PRORP: variants seen among roughly 807,000 people sequenced by gnomAD.
The protein encoded by PRORP is protein only RNase P catalytic subunit.
PRORP carries 51 observed loss-of-function variants against 59.4 expected under a neutral mutation model. The ratio of observed to expected loss-of-function variants is 0.86; its 90% CI spans 0.69 to 1.08. The LOEUF (loss-of-function observed/expected upper bound fraction) is 1.08, where lower values mean the gene tolerates loss of function less well. Ranked by LOEUF, PRORP falls within the 50% of genes least tolerant of loss-of-function variation. PRORP has a pLI of 0.00. For synonymous variants in PRORP, 231 were observed against 245.6 expected, an observed-to-expected ratio of 0.94 and a Z score of 0.55; for missense variants, 646 against 690.3, an observed-to-expected ratio of 0.94 and a Z score of 0.72.
chr14:35,175,780 A>G (rs1050495229), intron 4 of PRORP, among the ~76,000 whole-genome samples: 3 of 152,096 alleles, frequency 2.0e-5, no homozygotes, highest in Non-Finnish European at 2.9e-5. Context: ...TTTTGTTGCC[A>G]TTGCTTTTAG....
chr14:35,127,525 A>T lies in PRORP; in HGVS notation c.1081A>T (p.Ser361Cys). ...AAAAACCATAGAGTCTATTCAGCTGAGTCCAGAAGAATATGAATGTCTTAA... is the reference window on the plus strand; with the variant it reads ...AAAAACCATAGAGTCTATTCAGCTGTGTCCAGAAGAATATGAATGTCTTAA... ...CGKTIESIQLSPEEYECLKGK... is the reference protein window; with the variant it reads ...CGKTIESIQLCPEEYECLKGK... Residue 361 changes from serine (S) to cysteine (C), a missense_variant, in exon 4 of 8, where the codon AGT (serine) becomes TGT (cysteine). Coordinates refer to ENST00000534898, the MANE Select transcript of PRORP (RefSeq NM_014672.4). 6.2e-7 allele frequency: 1 copy of T among 1,611,906 alleles called. No individual in the cohort carries two copies. Among genetic ancestry groups the T allele is most frequent in the African/African-American group, 1.3e-5 (1 of 75,012 alleles).
rs2050945118 is a variant in PRORP, at chr14:35,263,054, G to A, written c.1276-3673G>A. On this transcript the variant is annotated intron_variant, in intron 5 of 7. Transcript: ENST00000534898. ...ATGAATAAGATCTAAGAGTTGTCCA[G>A]CTTCTGAAACAAGATGCCGGATGAT... 4.0e-6 allele frequency: 6 copies of A among 1,513,434 alleles called. No individual in the cohort carries two copies. In the East Asian group the frequency reaches 1.3e-4, roughly 34 times the overall value. 93.8% of individuals were successfully genotyped at this position (1,513,434 alleles called of 1,614,324 possible).
At chr14:35,134,918 T>G (rs2047335473) in intron 4 of PRORP, among the ~76,000 whole-genome samples, 1 of 152,192 alleles carries the variant, frequency 6.6e-6, no homozygotes, top group African/African-American at 2.4e-5. Flanking sequence ...CTGGAGCACT[T>G]TGGCCCATGG....
At chr14:35,240,152 G>T (rs1345953258) in intron 5 of PRORP, among the ~76,000 whole-genome samples, 1 of 151,868 alleles carries the variant, frequency 6.6e-6, no homozygotes, top group Non-Finnish European at 1.5e-5. Flanking sequence ...ATTGGAATTA[G>T]AGTTGGTGGT....
chr14:35,218,059 C>T (rs1480480969), intron 5 of PRORP, among the ~76,000 whole-genome samples: 1 of 152,048 alleles, frequency 6.6e-6, no homozygotes, highest in Non-Finnish European at 1.5e-5. Flanking sequence ...AATAATGGGG[C>T]TAACTTTTTT....
Position 35,276,607 on chromosome 14 carries a change from T to G in PRORP, c.*3041T>G, listed in dbSNP as rs569406001. The stretch of plus-strand genomic sequence containing the variant: ...AGCAGCTGGTACCAGACACTTAGGC[T>G]GCCCATTTGTGTTCTGATCATTTGA... On this transcript the variant is annotated 3_prime_UTR_variant, in exon 8 of 8. Coordinates refer to ENST00000534898, the MANE Select transcript of PRORP (RefSeq NM_014672.4). 1 of 152,068 alleles carries G rather than the reference T, an allele frequency of 6.6e-6. No individual in the cohort carries two copies. The highest frequency in any genetic ancestry group is 1.9e-4 in the East Asian group (1 of 5,160). The allele number at this position is 152,068 out of a possible 1,614,324, so 9.4% of individuals were successfully genotyped here.
chr14:35,124,223 G>T lies in PRORP; in HGVS notation c.978G>T (p.Trp326Cys). ...GESFAHSIKT[W>C]FESVPGKQWK... Reference sequence around the variant, plus strand: ...CATTTGCACACAGTATAAAAACATGGTTTGAGAGGTAATTTTGGTTTTTTT... The same window carrying T: ...CATTTGCACACAGTATAAAAACATGTTTTGAGAGGTAATTTTGGTTTTTTT... Residue 326 changes from tryptophan to cysteine, a missense_variant, in exon 2 of 8, where the codon TGG becomes TGT. By Grantham distance (215) the Trp-to-Cys change is radical. Transcript: ENST00000534898. The T allele has an allele frequency of 6.6e-7, 1 of 1,521,386 alleles. No homozygotes were observed. The highest frequency in any genetic ancestry group is 1.3e-5 in the South Asian group (1 of 74,748). 94.2% of individuals were successfully genotyped at this position (1,521,386 alleles called of 1,614,324 possible). A position where few individuals can be genotyped will look rare whatever the true frequency, so the allele number is the denominator to read the frequency against.
chr14:35,149,436 C>T lies in PRORP; in HGVS notation c.1167+21825C>T, dbSNP rs114679544. Among the ~76,000 whole-genome samples, 677 of 152,204 alleles carry T rather than the reference C, an allele frequency of 4.4e-3. 9 individuals carry two copies. The highest frequency in any genetic ancestry group is 0.015 in the African/African-American group (633 of 41,530). ...CTATGTTGCCCAGACTGGTCTCGAA[C>T]GCCTGACCTCAAGTGATCCTCTTGC... On this transcript the variant is annotated intron_variant, in intron 4 of 7. Coordinates refer to ENST00000534898, the MANE Select transcript of PRORP (RefSeq NM_014672.4).
intron 5 of PRORP, among the ~76,000 whole-genome samples, chr14:35,211,699 A>G (rs2049451649): frequency 6.6e-6 from 1 of 152,224 alleles, no homozygotes; most frequent in South Asian, 2.1e-4. Flanking sequence ...AAAATGCTTA[A>G]ATCATCTGAG....
At chr14:35,235,244 G>T in intron 5 of PRORP, 2 of 723,778 alleles carry the variant, frequency 2.8e-6, no homozygotes, top group Non-Finnish European at 4.9e-6. Flanking sequence ...CACAGACTTG[G>T]GACCCAGGAC....
chr14:35,125,601 T>C (rs1352598093), intron 2 of PRORP, among the ~76,000 whole-genome samples: 1 of 152,214 alleles, frequency 6.6e-6, no homozygotes, highest in Admixed American at 6.5e-5. Context: ...CCCTATATCA[T>C]GTTTACGGAG....
intron 4 of PRORP, among the ~76,000 whole-genome samples, chr14:35,129,530 C>T (rs970928777): frequency 1.4e-4 from 21 of 150,906 alleles, no homozygotes; most frequent in East Asian, 5.9e-4. Context: ...GCTAGAGTGC[C>T]GTGGTGCGAT....
At chr14:35,266,700 T>C (rs752894527) in intron 5 of PRORP, 27 bp from the exon 6 acceptor site, 2 of 1,610,344 alleles carry the variant, frequency 1.2e-6, no homozygotes, top group Admixed American at 1.7e-5. Flanking sequence ...CCTTGAACTT[T>C]TGTGGTTCTG....
intron 4 of PRORP, among the ~76,000 whole-genome samples, chr14:35,128,625 T>C (rs1220492898): frequency 1.3e-5 from 2 of 152,162 alleles, no homozygotes; most frequent in African/African-American, 4.8e-5. Context: ...TATTGGCATA[T>C]GGTTGCTCAT....
At position 35,150,629 on chromosome 14, in the gene PRORP, AC is replaced by A. The variant is rs541034272; in HGVS notation, c.1167+23020del. ...TTATGTAACACTTGACTGAAATTCT[AC>A]CAGCTGGGATCCAGGCTTTTTTATG... On this transcript the variant is annotated intron_variant, in intron 4 of 7. Coordinates refer to ENST00000534898, the MANE Select transcript of PRORP (RefSeq NM_014672.4). Among the ~76,000 whole-genome samples the A allele has an allele frequency of 2.5e-3, 385 of 152,320 alleles. 1 individual carries two copies. The highest frequency in any genetic ancestry group is 8.3e-3 in the African/African-American group (344 of 41,580).
At chr14:35,244,016 T>C (rs972833690) in intron 5 of PRORP, among the ~76,000 whole-genome samples, 1 of 152,160 alleles carries the variant, frequency 6.6e-6, no homozygotes, top group Non-Finnish European at 1.5e-5. Flanking sequence ...ACCATCCATG[T>C]TTCTGCCTTG....
intron 5 of PRORP, among the ~76,000 whole-genome samples, chr14:35,229,171 T>C (rs369796526): frequency 6.6e-6 from 1 of 152,316 alleles, no homozygotes; most frequent in African/African-American, 2.4e-5. Context: ...TTGCTTAAGC[T>C]CCTTATAGAT....
intron 5 of PRORP, chr14:35,222,029 C>T (rs995630719): frequency 2.0e-5 from 3 of 152,144 alleles, no homozygotes; most frequent in Admixed American, 6.6e-5. Context: ...TCCACCTGAA[C>T]GTAACCTTGA....
At chr14:35,147,816 C>T (rs958773872) in intron 4 of PRORP, among the ~76,000 whole-genome samples, 12 of 152,206 alleles carry the variant, frequency 7.9e-5, no homozygotes, top group African/African-American at 1.4e-4. Flanking sequence ...ACTAAGTTTA[C>T]GTAATATTCT....
Sources: allele counts gnomAD v4.1 joint callset (sites outside exome capture counted in the v4.1 genomes callset), GRCh38; gene constraint gnomAD v4.1.1; transcripts MANE v1.5; gene names NCBI Gene and HGNC (gene_info 2026-07-23, HGNC 2026-07-21).